The following PRPF8 variants were observed in gnomAD, a reference collection of about 807,000 sequenced individuals.
The protein encoded by PRPF8 is pre-mRNA processing factor 8.
In PRPF8, 64 loss-of-function variants were observed where a neutral mutation model predicts 285.9. The ratio of observed to expected loss-of-function variants is 0.22; its 90% confidence interval spans 0.18 to 0.28. The LOEUF is 0.28. Ranked by LOEUF, PRPF8 falls within the 10% of genes least tolerant of loss-of-function variation. PRPF8 has a pLI of 1.00. For synonymous variants in PRPF8, 1,325 were observed against 1,118.2 expected, an observed-to-expected ratio of 1.18 and a Z score of -3.69; for missense variants, 1,426 against 3,026.7, an observed-to-expected ratio of 0.47 and a Z score of 12.41.
At position 1,677,785 on chromosome 17, in the gene PRPF8, AT is replaced by A. The variant is rs1419336238; in HGVS notation, c.1855-92del. The A allele has an allele frequency of 1.0e-5, 15 of 1,492,470 alleles. No homozygotes were observed. The East Asian group carries it at 3.2e-4, about 31-fold the overall frequency. The allele number at this position is 1,492,470 out of a possible 1,614,324, so 92.5% of individuals were successfully genotyped here. On this transcript the variant is annotated intron_variant, in intron 13 of 42. Transcript: ENST00000304992. ...GGCAGAGGTGGGGCATATATGTATA[AT>A]ATACATACAGAGGAATGTAGGTATG...
chr17:1,670,892 A>G (rs1912276474), intron 24 of PRPF8, among the ~76,000 whole-genome samples: 1 of 152,010 alleles, frequency 6.6e-6, no homozygotes, highest in Non-Finnish European at 1.5e-5. Flanking sequence ...TGAATCATCT[A>G]ACACAGAAAT....
Position 1,658,742 on chromosome 17 carries a change from T to G in PRPF8, c.5160A>C (p.Pro1720=). ...CCTGTTGTATGAGAGGCTTGCTGCC[T>G]GGGAACCAGTTTCCATAGGCACTGT... is the stretch of plus-strand genomic sequence containing the variant. ...NLHSAYGNWF[P]GSKPLIQQAM... is the part of the protein sequence containing the mutation. The change falls in exon 33 of 43, where the codon CCA becomes CCC. Residue 1720 remains proline, a synonymous_variant. Coordinates refer to ENST00000304992, the MANE Select transcript of PRPF8 (RefSeq NM_006445.4). This position sits in a 1 kb window ranked among gnomAD's most constrained non-coding sequence, Gnocchi z 4.1. 1.2e-6 allele frequency: 2 copies of G among 1,614,208 alleles called. No individual in the cohort carries two copies. Among genetic ancestry groups the G allele is most frequent in the Non-Finnish European group, 8.5e-7 (1 of 1,180,040 alleles).
Position 1,659,608 on chromosome 17 carries a change from A to T in PRPF8, c.4947-60T>A. 1.9e-6 allele frequency: 3 copies of T among 1,593,934 alleles called. No individual in the cohort carries two copies. Among genetic ancestry groups the T allele is most frequent in the Non-Finnish European group, 2.6e-6 (3 of 1,163,392 alleles). On this transcript the variant is annotated intron_variant, in intron 31 of 42. Coordinates refer to ENST00000304992, the MANE Select transcript of PRPF8 (RefSeq NM_006445.4). The surrounding 1 kb of genome is among the most constrained non-coding windows in gnomAD (Gnocchi z 5.1). Reference sequence around the variant, plus strand: ...CATGGGCATAACCAATGTCCCCAGAACCAGAACCACTTAAATCCCAAAACC... The same window carrying T: ...CATGGGCATAACCAATGTCCCCAGATCCAGAACCACTTAAATCCCAAAACC...
At chr17:1,665,051 T>C (rs952433706) in intron 24 of PRPF8, among the ~76,000 whole-genome samples, 4 of 150,142 alleles carry the variant, frequency 2.7e-5, no homozygotes, top group African/African-American at 9.9e-5. Flanking sequence ...TCCCAGCTAC[T>C]TGGGAGGCTG....
intron 37 of PRPF8, 149 bp from the exon 38 acceptor site, chr17:1,654,165 CGGA>C (rs1911224775): frequency 3.4e-6 from 4 of 1,161,212 alleles, no homozygotes; most frequent in Non-Finnish European, 5.1e-6. Flanking sequence ...AAGTGTGAAA[CGGA>C]GGTGCACTAA....
Position 1,676,182 on chromosome 17 carries a change from G to A in PRPF8, c.2552+25C>T. On this transcript the variant is annotated intron_variant, in intron 17 of 42. Coordinates refer to ENST00000304992, the MANE Select transcript of PRPF8 (RefSeq NM_006445.4). This position sits in a 1 kb window ranked among gnomAD's most constrained non-coding sequence, Gnocchi z 6.3. Reference sequence around the variant, plus strand: ...ATTCCCTGCTGTCACCTTCCCAGCAGGAACCTATCTACCCTACTACTCACC... The same window carrying A: ...ATTCCCTGCTGTCACCTTCCCAGCAAGAACCTATCTACCCTACTACTCACC... 1.9e-6 allele frequency: 3 copies of A among 1,612,908 alleles called. No individual in the cohort carries two copies. The highest frequency in any genetic ancestry group is 2.2e-5 in the South Asian group (2 of 91,034).
chr17:1,650,968 AG>A lies in PRPF8; in HGVS notation c.6854-13del, dbSNP rs768936449. The A allele has an allele frequency of 4.3e-6, 7 of 1,614,176 alleles. No homozygotes were observed. Among genetic ancestry groups the A allele is most frequent in the Non-Finnish European group, 5.9e-6 (7 of 1,180,040 alleles). On this transcript the variant is annotated splice_polypyrimidine_tract_variant and intron_variant, in intron 42 of 42. Coordinates refer to ENST00000304992, the MANE Select transcript of PRPF8 (RefSeq NM_006445.4). ...GTCATGCCGAACACCTTCGGGGAGA[AG>A]GAAACAGCCAATGTTAACAGGGCTC...
intron 24 of PRPF8, among the ~76,000 whole-genome samples, chr17:1,668,723 C>T (rs1408489674): frequency 2.0e-5 from 3 of 152,048 alleles, no homozygotes; most frequent in Non-Finnish European, 2.9e-5. Context: ...TGTCTTCTAA[C>T]AGAGCTCTAT....
rs1209721184 is a variant in PRPF8 at position 1,655,562 on chromosome 17, G to C, written c.5794-19C>G. 1 of 1,591,954 alleles carries C rather than the reference G, an allele frequency of 6.3e-7. No individual in the cohort carries two copies. The highest frequency in any genetic ancestry group is 2.2e-5 in the East Asian group (1 of 44,782). On this transcript the variant is annotated intron_variant, in intron 36 of 42. Coordinates refer to ENST00000304992, the MANE Select transcript of PRPF8 (RefSeq NM_006445.4). ...AGAAGGCCTGGGAAAAGATTTGGAA[G>C]AGTGGGGTAGGTCAGCTGCTTGAGG...
In PRPF8 at chr17:1,676,124, C is replaced by T. The variant is rs1477367255; in HGVS notation, c.2553-70G>A. The T allele has an allele frequency of 1.2e-6, 2 of 1,611,924 alleles. No individual in the cohort carries two copies. Among genetic ancestry groups the T allele is most frequent in the Non-Finnish European group, 1.7e-6 (2 of 1,179,854 alleles). On this transcript the variant is annotated intron_variant, in intron 17 of 42. Coordinates refer to ENST00000304992, the MANE Select transcript of PRPF8 (RefSeq NM_006445.4). This position sits in a 1 kb window ranked among gnomAD's most constrained non-coding sequence, Gnocchi z 6.3. The stretch of plus-strand genomic sequence containing the variant: ...GTAAAACCAGGAAAGACTGGGGCTA[C>T]ACCTTCTTTCTTTGGACTCTGAGGA...
chr17:1,684,350 TG>T, intron 2 of PRPF8, 121 bp downstream of exon 2: 1 of 976,226 alleles, frequency 1.0e-6, no homozygotes, highest in East Asian at 2.5e-5. Context: ...AAAAATTAAC[TG>T]GAAATAACAA....
chr17:1,659,752 AG>A lies in PRPF8; in HGVS notation c.4946+88del, dbSNP rs1911584163. 6.6e-7 allele frequency: 1 copy of A among 1,521,700 alleles called. No individual in the cohort carries two copies. Among genetic ancestry groups the A allele is most frequent in the Non-Finnish European group, 9.0e-7 (1 of 1,109,160 alleles). The allele number at this position is 1,521,700 out of a possible 1,614,324, so 94.3% of individuals were successfully genotyped here. ...CTGGCTCCAAGTTTGAAACAAAGGCAGACAGGACAATTCCTAAAGTTGCAGG... is the reference window on the plus strand; with the variant it reads ...CTGGCTCCAAGTTTGAAACAAAGGCAACAGGACAATTCCTAAAGTTGCAGG... On this transcript the variant is annotated intron_variant, in intron 31 of 42. Coordinates refer to ENST00000304992, the MANE Select transcript of PRPF8 (RefSeq NM_006445.4). This position sits in a 1 kb window ranked among gnomAD's most constrained non-coding sequence, Gnocchi z 5.1.
At chr17:1,674,385 G>C in intron 21 of PRPF8, 57 bp downstream of exon 21, 1 of 1,550,168 alleles carries the variant, frequency 6.5e-7, no homozygotes, top group South Asian at 1.1e-5. Context: ...GCTGATTTCA[G>C]AGGCAAAGCA....
At position 1,656,714 on chromosome 17, in the gene PRPF8, AGATCG is replaced by A; in HGVS notation, c.5548_5552del (p.Arg1850SerfsTer57). 1 of 1,614,122 alleles carries A rather than the reference AGATCG, an allele frequency of 6.2e-7. No individual in the cohort carries two copies. Among genetic ancestry groups the A allele is most frequent in the Non-Finnish European group, 8.5e-7 (1 of 1,180,030 alleles). On this transcript the variant is annotated frameshift_variant, in exon 35 of 43. Transcript: ENST00000304992. LOFTEE classifies it high-confidence loss of function. Reference sequence around the variant, plus strand: ...GCTTGGGCTGCTCCTCCACAGGCAGAGATCGGATCAGGGCGGCCACCTCCTCAGCT... The same window carrying A: ...GCTTGGGCTGCTCCTCCACAGGCAGAGATCAGGGCGGCCACCTCCTCAGCT...
At position 1,661,325 on chromosome 17, in the gene PRPF8, G is replaced by A. The variant is rs368359875; in HGVS notation, c.4284C>T (p.His1428=). ...GCCAGCCCTTATCATAAGCCAGTGT[G>A]TGCCGGTCCTTCTGGAAGAGGGTAT... ...RINTLFQKDR[H]TLAYDKGWRV... The change falls in exon 27 of 43, where the codon CAC becomes CAT. Residue 1428 remains histidine (H), a synonymous_variant. Transcript: ENST00000304992. This position sits in a 1 kb window ranked among gnomAD's most constrained non-coding sequence, Gnocchi z 7.3. 16 of 1,614,184 alleles carry A rather than the reference G, an allele frequency of 9.9e-6. No homozygotes were observed. The highest frequency in any genetic ancestry group is 2.2e-5 in the South Asian group (2 of 91,090).
chr17:1,662,996 G>C (rs1367487481), intron 24 of PRPF8, among the ~76,000 whole-genome samples: 2 of 152,080 alleles, frequency 1.3e-5, no homozygotes. Flanking sequence ...AAAGCAAAAA[G>C]AGTAACAAAG....
chr17:1,683,739 C>T (rs1913066800), intron 2 of PRPF8, 38 bp from the exon 3 acceptor site: 2 of 1,611,278 alleles, frequency 1.2e-6, no homozygotes, highest in African/African-American at 1.3e-5. Context: ...TGCACACCCT[C>T]CCCCTAATCC....
chr17:1,660,054 C>G, intron 30 of PRPF8, 53 bp from the exon 31 acceptor site: 2 of 1,581,338 alleles, frequency 1.3e-6, no homozygotes, highest in Non-Finnish European at 1.7e-6. Context: ...CAATTAAAAT[C>G]AGAGTTTGTA....
rs1196152814 is a variant in PRPF8, at chr17:1,673,563, G to A, written c.3451C>T (p.Arg1151Trp). 3.1e-6 allele frequency: 5 copies of A among 1,613,970 alleles called. No individual in the cohort carries two copies. The South Asian group carries it at 3.3e-5, about 11-fold the overall frequency. ...TTCTTGATGTCCCAGAATACCGCCC[G>A]GCCTCTGCCCACAGAGAACACATGG... ...RLMKHDVNLG[R>W]AVFWDIKNRL... The change falls in exon 23 of 43, where the codon CGG becomes TGG. Residue 1151 changes from arginine (R) to tryptophan (W), a missense_variant. Arg to Trp is a moderately radical substitution (Grantham distance 101). Transcript: ENST00000304992. The surrounding 1 kb of genome is among the most constrained non-coding windows in gnomAD (Gnocchi z 5.5).
Sources: allele counts gnomAD v4.1 joint callset (sites outside exome capture counted in the v4.1 genomes callset), GRCh38; gene constraint gnomAD v4.1.1; non-coding constraint Gnocchi (gnomAD v3.1); transcripts MANE v1.5; gene names NCBI Gene and HGNC (gene_info 2026-07-23, HGNC 2026-07-21).